The following SH3RF3 variants were observed in gnomAD, a reference collection of about 807,000 sequenced individuals.
SH3RF3 encodes the protein SH3 domain containing ring finger 3.
Under a neutral mutation model 66.3 loss-of-function variants are expected in SH3RF3, and 29 were observed. That is an observed-to-expected ratio of 0.44 (90% CI 0.33 to 0.60). SH3RF3 has a LOEUF of 0.60. Ranked by LOEUF, SH3RF3 falls within the 20% of genes least tolerant of loss-of-function variation. The pLI is 0.04. For missense variants in SH3RF3, 1,194 were observed against 1,190.9 expected, an observed-to-expected ratio of 1.00 and a Z score of -0.04; for synonymous variants, 583 against 532.0, an observed-to-expected ratio of 1.10 and a Z score of -1.32.
chr2:109,413,015 C>T (rs1271939097), intron 4 of SH3RF3, among the ~76,000 whole-genome samples: 1 of 152,252 alleles, frequency 6.6e-6, no homozygotes, highest in Non-Finnish European at 1.5e-5. Flanking sequence ...GCCAGCCCCA[C>T]ACCCTGGAAC....
chr2:109,364,554 A>G (rs776235925), intron 2 of SH3RF3, among the ~76,000 whole-genome samples: 3 of 152,196 alleles, frequency 2.0e-5, no homozygotes, highest in Admixed American at 6.5e-5. Context: ...TTGATACCAG[A>G]CATGGTGGAC....
chr2:109,381,504 A>G (rs1675668724), intron 3 of SH3RF3, among the ~76,000 whole-genome samples: 1 of 152,012 alleles, frequency 6.6e-6, no homozygotes, highest in Non-Finnish European at 1.5e-5. Context: ...ATCCACGTCC[A>G]CCTGCCCTCC....
intron 3 of SH3RF3, among the ~76,000 whole-genome samples, chr2:109,381,960 A>G (rs1675690113): frequency 1.3e-5 from 2 of 152,106 alleles, no homozygotes; most frequent in South Asian, 4.2e-4. Flanking sequence ...CATTAAAATG[A>G]GGTGGAATTT....
chr2:109,434,495 T>A (rs1349699228), intron 6 of SH3RF3, among the ~76,000 whole-genome samples: 1 of 152,220 alleles, frequency 6.6e-6, no homozygotes, highest in African/African-American at 2.4e-5. Flanking sequence ...TCCTGACGTG[T>A]GTCAGTCAGT....
intron 4 of SH3RF3, 105 bp downstream of exon 4, chr2:109,399,048 C>T: frequency 7.9e-7 from 1 of 1,272,948 alleles, no homozygotes; most frequent in Non-Finnish European, 1.1e-6. Flanking sequence ...GAGGCCGCCC[C>T]AGAACTGCCT....
At chr2:109,195,418 G>T (rs1003808632) in intron 1 of SH3RF3, among the ~76,000 whole-genome samples, 4 of 152,262 alleles carry the variant, frequency 2.6e-5, no homozygotes, top group African/African-American at 9.6e-5. Context: ...GCGGACACCA[G>T]CGTCTGCCAC....
At chr2:109,177,058 A>G (rs2104969016) in intron 1 of SH3RF3, among the ~76,000 whole-genome samples, 1 of 152,260 alleles carries the variant, frequency 6.6e-6, no homozygotes, top group African/African-American at 2.4e-5. Flanking sequence ...GGTGGAAGTT[A>G]CATTTAAATG....
At chr2:109,149,690 A>G (rs1028205538) in intron 1 of SH3RF3, among the ~76,000 whole-genome samples, 1 of 152,234 alleles carries the variant, frequency 6.6e-6, no homozygotes. Flanking sequence ...TGCAGAGAGC[A>G]AGATAGTCTG....
intron 1 of SH3RF3, among the ~76,000 whole-genome samples, chr2:109,244,482 C>G (rs1259223074): frequency 6.6e-6 from 1 of 152,142 alleles, no homozygotes; most frequent in Non-Finnish European, 1.5e-5. Flanking sequence ...GGAACTACCC[C>G]CAAACAAATG....
chr2:109,498,024 A>T (rs28529023), intron 9 of SH3RF3, among the ~76,000 whole-genome samples: 1 of 151,786 alleles, frequency 6.6e-6, no homozygotes, highest in Non-Finnish European at 1.5e-5. Context: ...GTTTGTGTGT[A>T]TGCTGTCTGA....
chr2:109,287,136 G>C (rs536520283), intron 1 of SH3RF3, among the ~76,000 whole-genome samples: 15 of 152,264 alleles, frequency 9.9e-5, no homozygotes, highest in African/African-American at 2.9e-4. Context: ...CTCATGGGGG[G>C]TTGTCCAGAG....
intron 9 of SH3RF3, 97 bp from the exon 10 acceptor site, chr2:109,501,406 C>T (rs1679381173): frequency 1.7e-6 from 1 of 576,898 alleles, no homozygotes; most frequent in Admixed American, 2.7e-5. Flanking sequence ...AAAATAGCAG[C>T]AAATAACAAT....
At chr2:109,251,356 C>T (rs556970638) in intron 1 of SH3RF3, 139 of 583,002 alleles carry the variant, frequency 2.4e-4, no homozygotes, top group African/African-American at 1.7e-3. Context: ...CCCGGCCTGC[C>T]GCGGGAGCAT....
At chr2:109,135,242 A>G (rs2104809910) in intron 1 of SH3RF3, among the ~76,000 whole-genome samples, 1 of 152,302 alleles carries the variant, frequency 6.6e-6, no homozygotes, top group Middle Eastern at 3.4e-3. Flanking sequence ...GTTGCCTCCC[A>G]GGCTGGTGTC....
At chr2:109,494,905 G>A (rs142477658) in intron 9 of SH3RF3, among the ~76,000 whole-genome samples, 7 of 152,166 alleles carry the variant, frequency 4.6e-5, no homozygotes, top group African/African-American at 1.7e-4. Context: ...TCAAGTAGAA[G>A]GTGCTGCAGA....
chr2:109,501,659 C>A lies in SH3RF3; in HGVS notation c.2637C>A (p.Val879=), dbSNP rs763666635. The A allele has an allele frequency of 2.6e-6, 2 of 767,958 alleles. No individual in the cohort carries two copies. Among genetic ancestry groups the A allele is most frequent in the African/African-American group, 3.4e-5 (2 of 58,884 alleles). The allele number at this position is 767,958 out of a possible 1,614,324, so 47.6% of individuals were successfully genotyped here. Residue 879 remains valine, a synonymous_variant, in exon 10 of 10, where the codon GTC becomes GTA. Transcript: ENST00000309415. The stretch of plus-strand genomic sequence containing the variant: ...CAGGCCTCTTCCCGGGCAGCTTCGT[C>A]GAGAGCTTCTGAGAACTGGTGCTCC... ...GRTGLFPGSF[V]ESF
chr2:109,485,110 T>C (rs556656400), intron 8 of SH3RF3, among the ~76,000 whole-genome samples: 64 of 152,234 alleles, frequency 4.2e-4, no homozygotes, highest in Non-Finnish European at 7.9e-4. Flanking sequence ...CTTTGCAAAT[T>C]GAGTCCCTTT....
At chr2:109,222,900 A>G (rs956831730) in intron 1 of SH3RF3, among the ~76,000 whole-genome samples, 2 of 152,208 alleles carry the variant, frequency 1.3e-5, no homozygotes, top group Non-Finnish European at 2.9e-5. Context: ...TGTATCCCAC[A>G]TGGGGACTCA....
Position 109,129,352 on chromosome 2 carries a change from TCCCCGCCAC to T in SH3RF3, c.-188_-180del, listed in dbSNP as rs1676619842. 5 of 871,120 alleles carry T rather than the reference TCCCCGCCAC, an allele frequency of 5.7e-6. No homozygotes were observed. Among genetic ancestry groups the T allele is most frequent in the Non-Finnish European group, 8.8e-6 (5 of 568,846 alleles). 54.0% of individuals were successfully genotyped at this position (871,120 alleles called of 1,614,324 possible). ...GGCCGGTCCCCGCCACGCAGGCCGG[TCCCCGCCAC>T]GCAGGCCGGTCGGTGAGCCACTTCG... On this transcript the variant is annotated 5_prime_UTR_variant, in exon 1 of 10. Transcript: ENST00000309415.
Sources: gnomAD v4.1 joint callset for allele counts (sites outside exome capture counted in the v4.1 genomes callset) on GRCh38, gnomAD v4.1.1 for gene constraint, MANE v1.5 for transcripts, NCBI Gene and HGNC (gene_info 2026-07-23, HGNC 2026-07-21) for gene names.